PTPRD: variants seen among roughly 807,000 people sequenced by gnomAD.
PTPRD encodes the protein protein tyrosine phosphatase receptor type D, also known as receptor-type tyrosine-protein phosphatase delta.
PTPRD carries 34 observed loss-of-function variants against 214.5 expected under a neutral mutation model. The observed-to-expected ratio is 0.16, with a 90% CI of 0.12 to 0.21. The LOEUF (loss-of-function observed/expected upper bound fraction) is 0.21, where lower values mean the gene tolerates loss of function less well. Ranked by LOEUF, PTPRD falls within the 10% of genes least tolerant of loss-of-function variation. PTPRD has a pLI of 1.00. For missense variants in PTPRD, 2,545 were observed against 2,398.7 expected (o/e 1.06, Z -1.27); for synonymous variants, 1,128 against 845.7 (o/e 1.33, Z -5.79).
At chr9:10,135,854 T>C (rs2098938841) in intron 3 of PTPRD, among the ~76,000 whole-genome samples, 2 of 150,768 alleles carry the variant, frequency 1.3e-5, no homozygotes, top group African/African-American at 4.9e-5. Context: ...AACACCACAA[T>C]GACAGGATCA....
intron 37 of PTPRD, among the ~76,000 whole-genome samples, chr9:8,382,999 G>C (rs1203059787): frequency 1.3e-5 from 2 of 152,138 alleles, no homozygotes; most frequent in Non-Finnish European, 2.9e-5. Flanking sequence ...CCAAGAATTA[G>C]TCTGCCACTG....
intron 30 of PTPRD, among the ~76,000 whole-genome samples, chr9:8,480,076 A>G (rs1171989517): frequency 6.6e-6 from 1 of 152,232 alleles, no homozygotes; most frequent in Non-Finnish European, 1.5e-5. Flanking sequence ...ACTATAAGGT[A>G]GGACTTAATC....
At chr9:8,580,114 G>C (rs773614893) in intron 14 of PTPRD, among the ~76,000 whole-genome samples, 1 of 152,148 alleles carries the variant, frequency 6.6e-6, no homozygotes, top group South Asian at 2.1e-4. Context: ...TCATGATAAT[G>C]TCAGGTATTA....
At chr9:10,301,547 A>G (rs1188425741) in intron 3 of PTPRD, among the ~76,000 whole-genome samples, 1 of 152,216 alleles carries the variant, frequency 6.6e-6, no homozygotes, top group African/African-American at 2.4e-5. Context: ...ATTGCTAACT[A>G]GAATAACCAG....
intron 5 of PTPRD, among the ~76,000 whole-genome samples, chr9:9,908,079 C>CAA (rs147778757): frequency 1.3e-5 from 2 of 149,318 alleles, no homozygotes; most frequent in African/African-American, 5.0e-5. Flanking sequence ...AACATTAAGA[C>CAA]AAAAAAAAAA....
At chr9:10,036,247 C>T (rs1011735890) in intron 3 of PTPRD, among the ~76,000 whole-genome samples, 1 of 152,028 alleles carries the variant, frequency 6.6e-6, no homozygotes, top group Non-Finnish European at 1.5e-5. Flanking sequence ...TATTTTAATC[C>T]CTTTCTCCTT....
rs115383750 is a variant in PTPRD, at chr9:9,235,610, A to G, written c.-202-52247T>C. On this transcript the variant is annotated intron_variant, in intron 9 of 45. Transcript: ENST00000381196. ...TTGCCCCTACTGTTTCTGGTGTCCA[A>G]TAAGGGACACCTGAGACACCTGACT... Among the ~76,000 whole-genome samples, 1,101 of 152,202 alleles carry G rather than the reference A, an allele frequency of 7.2e-3. 15 individuals carry two copies. Among genetic ancestry groups the G allele is most frequent in the African/African-American group, 0.025 (1,053 of 41,528 alleles).
intron 3 of PTPRD, among the ~76,000 whole-genome samples, chr9:10,052,337 C>T (rs1056356369): frequency 2.0e-5 from 3 of 152,070 alleles, no homozygotes; most frequent in Non-Finnish European, 2.9e-5. Flanking sequence ...TTAAAAAAGG[C>T]GCCTGCTTAG....
At chr9:9,319,984 C>T (rs554757227) in intron 9 of PTPRD, among the ~76,000 whole-genome samples, 2 of 152,044 alleles carry the variant, frequency 1.3e-5, no homozygotes, top group South Asian at 4.1e-4. Flanking sequence ...TCATTGATTC[C>T]AAAAAGGAAA....
intron 9 of PTPRD, among the ~76,000 whole-genome samples, chr9:9,253,284 C>T (rs980929142): frequency 6.6e-6 from 1 of 151,880 alleles, no homozygotes; most frequent in Non-Finnish European, 1.5e-5. Context: ...CATGAACATT[C>T]AATATAAATT....
At chr9:10,198,258 T>C (rs2099405689) in intron 3 of PTPRD, among the ~76,000 whole-genome samples, 1 of 152,066 alleles carries the variant, frequency 6.6e-6, no homozygotes, top group Admixed American at 6.6e-5. Flanking sequence ...TGCATCACTA[T>C]ATAGTTGAGG....
intron 3 of PTPRD, among the ~76,000 whole-genome samples, chr9:10,302,179 G>T (rs754484995): frequency 8.5e-5 from 13 of 152,278 alleles, no homozygotes; most frequent in Middle Eastern, 3.4e-3. Flanking sequence ...CTTCATAAGT[G>T]AAGGAGAAAT....
chr9:9,721,471 G>C (rs923809349), intron 7 of PTPRD, among the ~76,000 whole-genome samples: 3 of 151,916 alleles, frequency 2.0e-5, no homozygotes, highest in African/African-American at 4.8e-5. Flanking sequence ...ATTCTATAGG[G>C]GGCACAGGTT....
chr9:8,646,889 C>T (rs1205407381), intron 12 of PTPRD, among the ~76,000 whole-genome samples: 1 of 152,180 alleles, frequency 6.6e-6, no homozygotes, highest in African/African-American at 2.4e-5. Context: ...TCCCCTAATC[C>T]TGGACTATAC....
chr9:10,363,537 TTGTC>T (rs1168321027), intron 2 of PTPRD, among the ~76,000 whole-genome samples: 1 of 152,224 alleles, frequency 6.6e-6, no homozygotes, highest in Non-Finnish European at 1.5e-5. Context: ...GTGCAATGAT[TTGTC>T]TGGATATTTC....
At chr9:9,383,603 T>C (rs748988904) in intron 9 of PTPRD, among the ~76,000 whole-genome samples, 3 of 152,136 alleles carry the variant, frequency 2.0e-5, no homozygotes, top group East Asian at 3.9e-4. Context: ...TAAGAAAAAA[T>C]TGTGATTCAT....
At chr9:9,472,566 A>G (rs2094698696) in intron 8 of PTPRD, among the ~76,000 whole-genome samples, 1 of 152,180 alleles carries the variant, frequency 6.6e-6, no homozygotes, top group African/African-American at 2.4e-5. Context: ...TAAGCTGTTC[A>G]GTTTGCAGCC....
chr9:10,171,520 CTTTATT>C (rs1340619189), intron 3 of PTPRD, among the ~76,000 whole-genome samples: 5 of 151,604 alleles, frequency 3.3e-5, no homozygotes, highest in African/African-American at 2.4e-5. Flanking sequence ...TCTGGTATAT[CTTTATT>C]TTTATTTTTA....
chr9:9,798,705 A>G (rs775100809), intron 5 of PTPRD, among the ~76,000 whole-genome samples: 16 of 152,238 alleles, frequency 1.1e-4, no homozygotes, highest in Non-Finnish European at 1.9e-4. Flanking sequence ...GGAATAAGCC[A>G]TATGTAGAGA....
Sources: gnomAD v4.1 joint callset for allele counts (sites outside exome capture counted in the v4.1 genomes callset) on GRCh38, gnomAD v4.1.1 for gene constraint, MANE v1.5 for transcripts, NCBI Gene and HGNC (gene_info 2026-07-23, HGNC 2026-07-21) for gene names.